LTBP4: variants seen among roughly 807,000 people sequenced by gnomAD.
LTBP4 encodes latent-transforming growth factor beta-binding protein 4.
LTBP4 carries 93 observed loss-of-function variants against 180.2 expected under a neutral mutation model. That is an observed-to-expected ratio of 0.52 (90% CI 0.44 to 0.61). The LOEUF (loss-of-function observed/expected upper bound fraction) is 0.61. Among genes scored for constraint, LTBP4 ranks in the 20% least tolerant of loss-of-function variants. The pLI is 0.00. For synonymous variants in LTBP4, 947 were observed against 934.5 expected (o/e 1.01, Z -0.24); for missense variants, 2,116 against 2,256.5 (o/e 0.94, Z 1.26).
chr19:40,624,005 A>T lies in LTBP4; in HGVS notation c.3755A>T (p.Tyr1252Phe), dbSNP rs758082743. 31 of 1,612,624 alleles carry T rather than the reference A, an allele frequency of 1.9e-5. No individual in the cohort carries two copies. The highest frequency in any genetic ancestry group is 2.5e-5 in the Non-Finnish European group (29 of 1,179,354). The change falls in exon 26 of 30, where the codon TAT (tyrosine) becomes TTT (phenylalanine). Residue 1252 changes from tyrosine to phenylalanine, a missense_variant. Tyr to Phe is a conservative substitution (Grantham distance 22). Transcript: ENST00000396819. ...GGRCVNTVGS[Y>F]HCTCEPPLVL... is the part of the protein sequence containing the mutation. ...CGCTGTGTCAACACTGTGGGCTCTT[A>T]TCACTGTACCTGCGAGCCCCCACTG...
At chr19:40,628,812 T>A (rs2081655944) in intron 29 of LTBP4, among the ~76,000 whole-genome samples, 1 of 152,156 alleles carries the variant, frequency 6.6e-6, no homozygotes, top group Non-Finnish European at 1.5e-5. Context: ...CATGAACATT[T>A]ATTGTTGTTG....
Position 40,605,167 on chromosome 19 carries a change from C to T in LTBP4, c.383C>T (p.Pro128Leu). ...GCCCGGCCCCCGGCCCCGGCTGTAC[C>T]AGGCCTCACCCGCTCCGTGTACACT... The part of the protein sequence containing the change: ...SGARPPAPAV[P>L]GLTRSVYTMP... The change falls in exon 2 of 30, where the codon CCA (proline) becomes CTA (leucine). Residue 128 changes from proline to leucine, a missense_variant. Pro to Leu is a moderately conservative substitution (Grantham distance 98). Transcript: ENST00000396819. The surrounding 1 kb of genome is among the most constrained non-coding windows in gnomAD (Gnocchi z 5.5). The T allele has an allele frequency of 6.2e-7, 1 of 1,610,408 alleles. No homozygotes were observed. The highest frequency in any genetic ancestry group is 8.5e-7 in the Non-Finnish European group (1 of 1,178,614).
chr19:40,601,573 C>G lies in LTBP4; in HGVS notation c.186C>G (p.Asn62Lys). ...GTACCCCGACCTGCGCGCCCCGCAA[C>G]GCCACCAGCGTGGACAGCGGCGCTC... Reference protein sequence around the residue: ...SRCTPTCAPRNATSVDSGAPG... With the variant: ...SRCTPTCAPRKATSVDSGAPG... Residue 62 changes from asparagine (N) to lysine (K), a missense_variant, in exon 1 of 30, where the codon AAC (asparagine) becomes AAG (lysine). Physicochemically the swap from Asn to Lys is moderately conservative, Grantham distance 94 (BLOSUM62 0). Around this residue, in one of 5 missense-constraint regions of LTBP4, gnomAD observed 469 missense variants for 532.5 expected, o/e 0.88. Coordinates refer to ENST00000396819, the MANE Select transcript of LTBP4 (RefSeq NM_001042545.2). The G allele has an allele frequency of 4.8e-6, 7 of 1,467,440 alleles. No homozygotes were observed. The highest frequency in any genetic ancestry group is 6.3e-6 in the Non-Finnish European group (7 of 1,115,264). 90.9% of individuals were successfully genotyped at this position (1,467,440 alleles called of 1,614,324 possible).
chr19:40,626,991 G>A lies in LTBP4; in HGVS notation c.4002G>A (p.Leu1334=). The A allele has an allele frequency of 6.4e-7, 1 of 1,572,098 alleles. No individual in the cohort carries two copies. Among genetic ancestry groups the A allele is most frequent in the Non-Finnish European group, 8.7e-7 (1 of 1,155,292 alleles). ...TGTTCCCAGATGACTTCGAGGCCCT[G>A]TGCAATGTGCTACGCCCCCCCGCAT... ...PAQDSDDFEA[L]CNVLRPPAYS... is the part of the protein sequence containing the mutation. Residue 1334 remains leucine (L), a synonymous_variant, in exon 28 of 30, where the codon CTG becomes CTA. Coordinates refer to ENST00000396819, the MANE Select transcript of LTBP4 (RefSeq NM_001042545.2).
intron 27 of LTBP4, among the ~76,000 whole-genome samples, chr19:40,626,620 C>T (rs2081635389): frequency 6.6e-6 from 1 of 152,080 alleles, no homozygotes; most frequent in Non-Finnish European, 1.5e-5. Flanking sequence ...GTGCCTCAGA[C>T]TGTCTCCCAT....
In LTBP4 at chr19:40,613,656, G is replaced by A; in HGVS notation, c.2557+127G>A. On this transcript the variant is annotated intron_variant, in intron 17 of 29. Transcript: ENST00000396819. This position sits in a 1 kb window ranked among gnomAD's most constrained non-coding sequence, Gnocchi z 5.0. ...CGGGGTATTCCAGCAGGATCAGGGG[G>A]CAGCTGGTGGGAGTCTCGAGGCAGT... The A allele has an allele frequency of 6.9e-7, 1 of 1,451,340 alleles. No homozygotes were observed. The highest frequency in any genetic ancestry group is 9.3e-7 in the Non-Finnish European group (1 of 1,071,462). 89.9% of individuals were successfully genotyped at this position (1,451,340 alleles called of 1,614,324 possible). A position where few individuals can be genotyped will look rare whatever the true frequency, so the allele number is the denominator to read the frequency against.
intron 1 of LTBP4, among the ~76,000 whole-genome samples, chr19:40,596,216 G>A (rs923115313): frequency 6.6e-6 from 1 of 151,834 alleles, no homozygotes; most frequent in African/African-American, 2.4e-5. Flanking sequence ...CACCGCGCCC[G>A]GCCTAATTTT....
Position 40,629,475 on chromosome 19 carries a change from C to T in LTBP4, c.4599C>T (p.Phe1533=), listed in dbSNP as rs759124033. The T allele has an allele frequency of 1.9e-6, 3 of 1,608,984 alleles. No homozygotes were observed. The highest frequency in any genetic ancestry group is 2.5e-6 in the Non-Finnish European group (3 of 1,176,890). ...GTTGCCTCAACACGGATGGCTCCTT[C>T]CGCTGCATCTGCCGCCCGGGATTCG... ...NARCLNTDGS[F]RCICRPGFAP... The change falls in exon 30 of 30, where the codon TTC becomes TTT. Residue 1533 remains phenylalanine (F), a synonymous_variant. Transcript: ENST00000396819. The surrounding 1 kb of genome is among the most constrained non-coding windows in gnomAD (Gnocchi z 4.5).
intron 15 of LTBP4, 50 bp downstream of exon 15, chr19:40,612,242 C>T: frequency 6.5e-7 from 1 of 1,532,274 alleles, no homozygotes; most frequent in East Asian, 2.4e-5. Flanking sequence ...TGACCCCCGA[C>T]CCTTGACCCA....
intron 27 of LTBP4, among the ~76,000 whole-genome samples, chr19:40,626,608 C>T (rs2081635323): frequency 6.6e-6 from 1 of 152,096 alleles, no homozygotes; most frequent in Non-Finnish European, 1.5e-5. Context: ...CTCCAGGTCC[C>T]AGTGCCTCAG....
rs983671749 is a variant in LTBP4 at position 40,629,627 on chromosome 19, G to T, written c.*77G>T. 1 of 1,293,594 alleles carries T rather than the reference G, an allele frequency of 7.7e-7. No individual in the cohort carries two copies. Among genetic ancestry groups the T allele is most frequent in the Non-Finnish European group, 9.8e-7 (1 of 1,016,380 alleles). 80.1% of individuals were successfully genotyped at this position (1,293,594 alleles called of 1,614,324 possible). On this transcript the variant is annotated 3_prime_UTR_variant, in exon 30 of 30. Coordinates refer to ENST00000396819, the MANE Select transcript of LTBP4 (RefSeq NM_001042545.2). The surrounding 1 kb of genome is among the most constrained non-coding windows in gnomAD (Gnocchi z 4.5). ...CGCGCATCCTGCAGCCCGCTTATGC[G>T]TATGTGCACGGGGCCGCCCGCCTGG...
intron 21 of LTBP4, among the ~76,000 whole-genome samples, chr19:40,617,674 A>T (rs2081560398): frequency 6.6e-6 from 1 of 150,750 alleles, no homozygotes; most frequent in Admixed American, 6.6e-5. Context: ...AAAAATCAGA[A>T]CTGTTGTAGT....
chr19:40,627,173 G>A lies in LTBP4; in HGVS notation c.4184G>A (p.Arg1395Gln), dbSNP rs1032506558. 1.3e-5 allele frequency: 21 copies of A among 1,613,010 alleles called. No individual in the cohort carries two copies. Among genetic ancestry groups the A allele is most frequent in the Non-Finnish European group, 1.7e-5 (20 of 1,179,638 alleles). Reference protein sequence around the residue: ...YPPPPGPFARREAPYGAPRFD... With the variant: ...YPPPPGPFARQEAPYGAPRFD... ...CCGCCACCTGGGCCCTTCGCCCGCC[G>A]GGAGGCTCCTTATGGGGCACCCCGC... Residue 1395 changes from arginine to glutamine, a missense_variant, in exon 28 of 30, where the codon CGG becomes CAG. Around this residue, in one of 5 missense-constraint regions of LTBP4, gnomAD observed 488 missense variants for 458.8 expected, o/e 1.06. Transcript: ENST00000396819.
chr19:40,612,064 G>GC lies in LTBP4; in HGVS notation c.2180-3dup, dbSNP rs774425426. 1.2e-6 allele frequency: 2 copies of GC among 1,612,894 alleles called. No individual in the cohort carries two copies. Among genetic ancestry groups the GC allele is most frequent in the East Asian group, 4.5e-5 (2 of 44,852 alleles). ...CTTCTTCAAGGCCACCCTCTCCCCTGCCCCCCAGATGTGGATGAGTGTGAG... is the reference window on the plus strand; with the variant it reads ...CTTCTTCAAGGCCACCCTCTCCCCTGCCCCCCCAGATGTGGATGAGTGTGAG... On this transcript the variant is annotated splice_polypyrimidine_tract_variant and intron_variant, in intron 14 of 29. Coordinates refer to ENST00000396819, the MANE Select transcript of LTBP4 (RefSeq NM_001042545.2).
At chr19:40,607,268 A>ACC in intron 6 of LTBP4, 97 bp from the exon 7 acceptor site, 3 of 184,190 alleles carry the variant, frequency 1.6e-5, no homozygotes, top group East Asian at 1.6e-4. Flanking sequence ...CCAACCCCCC[A>ACC]CCCCCAACCC....
At position 40,613,533 on chromosome 19, in the gene LTBP4, C is replaced by A; in HGVS notation, c.2557+4C>A. On this transcript the variant is annotated splice_donor_region_variant and intron_variant, in intron 17 of 29. Coordinates refer to ENST00000396819, the MANE Select transcript of LTBP4 (RefSeq NM_001042545.2). The surrounding 1 kb of genome is among the most constrained non-coding windows in gnomAD (Gnocchi z 5.0). ...CCCCGCGGAGCCTCTTGCCTCGGTT[C>A]GTACCCGGGCTGATCCTGGCCCCGG... 1.3e-6 allele frequency: 2 copies of A among 1,563,850 alleles called. No homozygotes were observed. Among genetic ancestry groups the A allele is most frequent in the Non-Finnish European group, 8.7e-7 (1 of 1,155,632 alleles).
At chr19:40,601,335 G>C (rs1011584115), upstream of LTBP4, 26 of 997,144 alleles carry the variant, frequency 2.6e-5, no homozygotes, top group Admixed American at 2.5e-4. Flanking sequence ...GGGTGCGGCC[G>C]GGCCCCTCGG....
chr19:40,611,536 T>G lies in LTBP4; in HGVS notation c.2053+142T>G, dbSNP rs560270777. On this transcript the variant is annotated intron_variant, in intron 13 of 29. Transcript: ENST00000396819. The surrounding 1 kb of genome is among the most constrained non-coding windows in gnomAD (Gnocchi z 4.4). ...GGGATGGGGACCTCACTCCAGAGTC[T>G]TCTCTCCTTTCAACAAAATAAGGCA... 1.1e-5 allele frequency: 14 copies of G among 1,259,676 alleles called. No individual in the cohort carries two copies. In the Admixed American group the frequency reaches 3.7e-4, roughly 33 times the overall value. The allele number at this position is 1,259,676 out of a possible 1,614,324, so 78.0% of individuals were successfully genotyped here.
intron 18 of LTBP4, 51 bp downstream of exon 18, chr19:40,614,089 C>T (rs991455196): frequency 6.2e-7 from 1 of 1,600,590 alleles, no homozygotes; most frequent in East Asian, 2.2e-5. Flanking sequence ...CTCCCCGACT[C>T]GCCGATTGGC....
Sources: gnomAD v4.1 joint callset for allele counts (sites outside exome capture counted in the v4.1 genomes callset) on GRCh38, gnomAD v4.1.1 for gene constraint, gnomAD v4.1.1 regional missense constraint, Gnocchi (gnomAD v3.1) non-coding constraint, MANE v1.5 for transcripts, NCBI Gene and HGNC (gene_info 2026-07-23, HGNC 2026-07-21) for gene names.